The following THRB variants were observed in gnomAD, a reference collection of about 807,000 sequenced individuals.
THRB encodes the protein thyroid hormone receptor beta, also known as nuclear receptor subfamily 1 group A member 2.
A neutral mutation model predicts 47.8 loss-of-function variants in THRB; 12 were observed. The ratio of observed to expected loss-of-function variants is 0.25; its 90% CI spans 0.16 to 0.41. The LOEUF (loss-of-function observed/expected upper bound fraction) is 0.41, where lower values mean the gene tolerates loss of function less well. Among genes scored for constraint, THRB ranks in the 10% least tolerant of loss-of-function variants. THRB has a pLI of 1.00. For synonymous variants in THRB, 218 were observed against 212.2 expected (o/e 1.03, Z -0.24); for missense variants, 348 against 589.2 (o/e 0.59, Z 4.24).
At chr3:24,458,194 A>G (rs2073364424) in intron 1 of THRB, 1 of 152,208 alleles carries the variant, frequency 6.6e-6, no homozygotes, top group South Asian at 2.1e-4. Context: ...TACCTGCCAG[A>G]CAAATTATCT....
intron 4 of THRB, among the ~76,000 whole-genome samples, chr3:24,211,730 G>A (rs2046044800): frequency 6.6e-6 from 1 of 152,170 alleles, no homozygotes; most frequent in South Asian, 2.1e-4. Context: ...CCTTGGCTAA[G>A]CCACACTGGA....
At chr3:24,286,319 A>T (rs1453854061) in intron 3 of THRB, among the ~76,000 whole-genome samples, 1 of 152,192 alleles carries the variant, frequency 6.6e-6, no homozygotes, top group Non-Finnish European at 1.5e-5. Context: ...TAAAACAATA[A>T]CTTTCTAAGG....
chr3:24,326,247 A>G (rs1340898318), intron 2 of THRB, among the ~76,000 whole-genome samples: 1 of 151,906 alleles, frequency 6.6e-6, no homozygotes, highest in African/African-American at 2.4e-5. Context: ...TTTTTATTTT[A>G]TTTTTCGAGA....
chr3:24,165,724 C>A (rs1252663073), intron 5 of THRB: 2 of 182,388 alleles, frequency 1.1e-5, no homozygotes, highest in Non-Finnish European at 2.3e-5. Context: ...GAAGTGACAG[C>A]GAGAATGTTA....
At chr3:24,182,671 T>TTTCTTTCCACAATTCTGTGAA (rs2042055633) in intron 5 of THRB, among the ~76,000 whole-genome samples, 1 of 152,220 alleles carries the variant, frequency 6.6e-6, no homozygotes, top group Non-Finnish European at 1.5e-5. Context: ...TAAGAGCTTG[T>TTTCTTTCCACAATTCTGTGAA]TTCTTTCCAC....
At chr3:24,449,933 A>G (rs2072479108) in intron 1 of THRB, among the ~76,000 whole-genome samples, 1 of 152,112 alleles carries the variant, frequency 6.6e-6, no homozygotes, top group South Asian at 2.1e-4. Context: ...AAATGAGACA[A>G]TCTAGCATCT....
intron 1 of THRB, among the ~76,000 whole-genome samples, chr3:24,377,196 C>T (rs915095859): frequency 7.9e-5 from 12 of 152,070 alleles, no homozygotes; most frequent in East Asian, 3.9e-4. Flanking sequence ...CCTCCTGCCT[C>T]GGCCTCCCTG....
intron 1 of THRB, among the ~76,000 whole-genome samples, chr3:24,418,006 A>G (rs1560139190): frequency 6.6e-6 from 1 of 151,850 alleles, no homozygotes; most frequent in Non-Finnish European, 1.5e-5. Context: ...TCATGTGACT[A>G]TTTGTTTGAG....
chr3:24,348,546 G>A (rs928674485), intron 1 of THRB: 1 of 152,212 alleles, frequency 6.6e-6, no homozygotes, highest in Non-Finnish European at 1.5e-5. Context: ...GTTACTTAGT[G>A]AGCCCGCTCA....
At position 24,216,988 on chromosome 3, in the gene THRB, T is replaced by C. The variant is rs139718433; in HGVS notation, c.22+11950A>G. ...AAGGTAATGCCAGCAGTAATTGGTA[T>C]TCTGATGGCTTCATTTATGGTTCCA... On this transcript the variant is annotated intron_variant, in intron 4 of 10. Transcript: ENST00000646209. 2.0e-5 allele frequency among the ~76,000 whole-genome samples: 3 copies of C among 151,828 alleles called. No individual in the cohort carries two copies. The East Asian group carries it at 5.8e-4, about 29-fold the overall frequency.
chr3:24,302,713 C>T (rs2057036904), intron 2 of THRB, among the ~76,000 whole-genome samples: 2 of 152,216 alleles, frequency 1.3e-5, no homozygotes, highest in Non-Finnish European at 2.9e-5. Flanking sequence ...TACTTCTTCT[C>T]TGGCTTTGTA....
chr3:24,470,617 A>G (rs947519835), intron 1 of THRB, among the ~76,000 whole-genome samples: 2 of 152,140 alleles, frequency 1.3e-5, no homozygotes, highest in South Asian at 2.1e-4. Flanking sequence ...TCTGGCTCCA[A>G]TGTAGAGACT....
At chr3:24,208,877 A>C (rs2149821931) in intron 4 of THRB, among the ~76,000 whole-genome samples, 1 of 152,348 alleles carries the variant, frequency 6.6e-6, no homozygotes, top group Non-Finnish European at 1.5e-5. Context: ...TCTGCACAGC[A>C]AAGAAACTAC....
chr3:24,363,286 TG>T (rs1246754541), intron 1 of THRB, among the ~76,000 whole-genome samples: 1 of 152,158 alleles, frequency 6.6e-6, no homozygotes, highest in Non-Finnish European at 1.5e-5. Flanking sequence ...AAATTACCAC[TG>T]CAAACATGTC....
chr3:24,270,731 T>C (rs569633716), intron 3 of THRB, among the ~76,000 whole-genome samples: 1 of 152,342 alleles, frequency 6.6e-6, no homozygotes, highest in Admixed American at 6.5e-5. Flanking sequence ...CTAACTTCTG[T>C]TCCCAATCAG....
chr3:24,344,843 A>G (rs1318172811), intron 1 of THRB, among the ~76,000 whole-genome samples: 1 of 152,072 alleles, frequency 6.6e-6, no homozygotes, highest in East Asian at 1.9e-4. Context: ...AATCTGCTAA[A>G]TTGATTTCAT....
chr3:24,481,229 G>GTTTTTTTTTTTT lies in THRB; in HGVS notation c.-261+13411_-261+13422dup, dbSNP rs746323691. On this transcript the variant is annotated intron_variant, in intron 1 of 10. Transcript: ENST00000646209. ...TATATGTGTGGATGCGTTTCTTTCT[G>GTTTTTTTTTTTT]TTTTTTTTTTTTTTTTTTTTTTTTT... Among the ~76,000 whole-genome samples the GTTTTTTTTTTTT allele has an allele frequency of 2.7e-4, 15 of 55,364 alleles. 2 individuals carry two copies. Among genetic ancestry groups the GTTTTTTTTTTTT allele is most frequent in the African/African-American group, 9.2e-4 (12 of 13,076 alleles). The allele number at this position is 55,364 out of a possible 152,430, so 36.3% of individuals were successfully genotyped here.
chr3:24,281,576 A>C (rs1323851729), intron 3 of THRB, among the ~76,000 whole-genome samples: 1 of 144,024 alleles, frequency 6.9e-6, no homozygotes, highest in African/African-American at 2.6e-5. Context: ...TCAAATTCAC[A>C]CATAACAATA....
intron 3 of THRB, among the ~76,000 whole-genome samples, chr3:24,238,713 C>A (rs73039624): frequency 6.6e-6 from 1 of 151,950 alleles, no homozygotes; most frequent in East Asian, 1.9e-4. Context: ...CAGTGAGCTC[C>A]TTCAGATTTT....
Sources: allele counts gnomAD v4.1 joint callset (sites outside exome capture counted in the v4.1 genomes callset), GRCh38; gene constraint gnomAD v4.1.1; transcripts MANE v1.5; gene names NCBI Gene and HGNC (gene_info 2026-07-23, HGNC 2026-07-21).